The following CNIH3 variants were observed in gnomAD, a reference collection of about 807,000 sequenced individuals.
CNIH3 encodes the protein protein cornichon homolog 3.
A neutral mutation model predicts 24.1 loss-of-function variants in CNIH3; 14 were observed. That is an observed-to-expected ratio of 0.58 (90% CI 0.38 to 0.91). CNIH3 has a LOEUF of 0.91. CNIH3 is among the 40% of genes least tolerant of loss of function. The pLI, the probability that CNIH3 is intolerant of heterozygous loss-of-function variation, is 0.00. For synonymous variants in CNIH3, 68 were observed against 73.8 expected (o/e 0.92, Z 0.40); for missense variants, 178 against 196.8 (o/e 0.90, Z 0.57).
At chr1:224,649,940 A>G (rs1684789043) in intron 1 of CNIH3, among the ~76,000 whole-genome samples, 1 of 152,234 alleles carries the variant, frequency 6.6e-6, no homozygotes, top group Non-Finnish European at 1.5e-5. Context: ...AGAATCTTAG[A>G]GGTCTCTGAA....
Position 224,674,715 on chromosome 1 carries a change from G to A in CNIH3, c.82-6243G>A, listed in dbSNP as rs535714268. Among the ~76,000 whole-genome samples, 345 of 152,080 alleles carry A rather than the reference G, an allele frequency of 2.3e-3. 1 individual carries two copies. Among genetic ancestry groups the A allele is most frequent in the African/African-American group, 7.7e-3 (321 of 41,478 alleles). ...GTAGGGATAGGGTTCAGTGTTCATA[G>A]AAACAGCTTCACTTCTAGCGTGTTC... On this transcript the variant is annotated intron_variant, in intron 1 of 5. Coordinates refer to ENST00000272133, the MANE Select transcript of CNIH3 (RefSeq NM_152495.2).
At chr1:224,649,876 G>T (rs1684786554) in intron 1 of CNIH3, among the ~76,000 whole-genome samples, 1 of 152,158 alleles carries the variant, frequency 6.6e-6, no homozygotes, top group Non-Finnish European at 1.5e-5. Context: ...GAGAATGTGT[G>T]CAAGCTTAAA....
chr1:224,603,924 T>A (rs941273858), intron 3 of CNIH3, among the ~76,000 whole-genome samples: 1 of 152,246 alleles, frequency 6.6e-6, no homozygotes, highest in African/African-American at 2.4e-5. Context: ...AGTTCATTTT[T>A]AATATTTTAT....
chr1:224,654,427 A>G (rs767732492), intron 1 of CNIH3, among the ~76,000 whole-genome samples: 1 of 152,216 alleles, frequency 6.6e-6, no homozygotes, highest in Non-Finnish European at 1.5e-5. Context: ...AATAGCCCAG[A>G]TGCATGCCTC....
chr1:224,620,221 C>T (rs1307289821), intron 1 of CNIH3, among the ~76,000 whole-genome samples: 1 of 152,248 alleles, frequency 6.6e-6, no homozygotes. Context: ...CCCTCAGGCA[C>T]CTGGCCTCTT....
upstream of CNIH3, among the ~76,000 whole-genome samples, chr1:224,613,832 G>A (rs557015479): frequency 6.6e-6 from 1 of 152,200 alleles, no homozygotes; most frequent in East Asian, 1.9e-4. Flanking sequence ...CCTGCAGAAC[G>A]GTGAGCCAAT....
intron 2 of CNIH3, among the ~76,000 whole-genome samples, chr1:224,522,040 A>G (rs1678655812): frequency 6.6e-6 from 1 of 152,214 alleles, no homozygotes; most frequent in Admixed American, 6.5e-5. Context: ...CCGATAAAGC[A>G]TATTAAATTG....
At chr1:224,685,078 T>C (rs1350668600) in intron 3 of CNIH3, among the ~76,000 whole-genome samples, 4 of 152,200 alleles carry the variant, frequency 2.6e-5, no homozygotes, top group Admixed American at 6.5e-5. Flanking sequence ...GCACTGGGTA[T>C]TTGCAAGTAC....
At chr1:224,693,338 G>A (rs1433750002) in intron 3 of CNIH3, among the ~76,000 whole-genome samples, 1 of 152,262 alleles carries the variant, frequency 6.6e-6, no homozygotes, top group East Asian at 1.9e-4. Flanking sequence ...GATCTGGGTA[G>A]CTGGTTGGCC....
intron 2 of CNIH3, among the ~76,000 whole-genome samples, chr1:224,531,787 G>C (rs1679080556): frequency 6.6e-6 from 1 of 152,194 alleles, no homozygotes; most frequent in Admixed American, 6.5e-5. Context: ...GGCAGCTGGA[G>C]CTCAGGAGAG....
At chr1:224,702,008 G>C (rs376822147) in intron 3 of CNIH3, among the ~76,000 whole-genome samples, 11 of 152,210 alleles carry the variant, frequency 7.2e-5, no homozygotes, top group East Asian at 3.9e-4. Flanking sequence ...TAAAAGCTGG[G>C]TTTGTATCCT....
In CNIH3 at chr1:224,723,411, G is replaced by A. The variant is rs527974751; in HGVS notation, c.199-7051G>A. 2.6e-5 allele frequency among the ~76,000 whole-genome samples: 4 copies of A among 152,354 alleles called. No individual in the cohort carries two copies. The South Asian group carries it at 8.3e-4, about 32-fold the overall frequency. Reference sequence around the variant, plus strand: ...AATGAGTCCAAGTGGGTGCCAAGAAGCAACAGGAACATCCACAGTGTGGAT... The same window carrying A: ...AATGAGTCCAAGTGGGTGCCAAGAAACAACAGGAACATCCACAGTGTGGAT... On this transcript the variant is annotated intron_variant, in intron 3 of 5. Transcript: ENST00000272133.
At chr1:224,556,100 T>C (rs1387698022) in intron 3 of CNIH3, among the ~76,000 whole-genome samples, 1 of 152,216 alleles carries the variant, frequency 6.6e-6, no homozygotes, top group East Asian at 1.9e-4. Context: ...TTCAATTCTT[T>C]GCCTGCAGGC....
At chr1:224,661,715 A>G (rs1185461654) in intron 1 of CNIH3, 2 of 193,572 alleles carry the variant, frequency 1.0e-5, no homozygotes, top group Non-Finnish European at 2.2e-5. Context: ...CTTATTTTCT[A>G]GCATCTGACA....
chr1:224,568,616 G>A (rs1401211307), intron 4 of CNIH3, among the ~76,000 whole-genome samples: 2 of 151,724 alleles, frequency 1.3e-5, no homozygotes, highest in East Asian at 2.0e-4. Context: ...AATTAGTCAG[G>A]TGTGGTGCAC....
intron 2 of CNIH3, among the ~76,000 whole-genome samples, chr1:224,683,761 G>A (rs567270346): frequency 6.6e-6 from 1 of 152,344 alleles, no homozygotes; most frequent in South Asian, 2.1e-4. Flanking sequence ...TTGTCCTTCA[G>A]GGGCTCTGGC....
intron 1 of CNIH3, among the ~76,000 whole-genome samples, chr1:224,462,286 C>T (rs1210227178): frequency 1.3e-5 from 2 of 152,190 alleles, no homozygotes; most frequent in East Asian, 1.9e-4. Context: ...TATCCACCAT[C>T]GTAGTGTTGT....
chr1:224,627,753 G>A (rs1683609651), intron 1 of CNIH3, among the ~76,000 whole-genome samples: 1 of 152,154 alleles, frequency 6.6e-6, no homozygotes, highest in African/African-American at 2.4e-5. Context: ...GTCTGATAAT[G>A]AGGCTCAGGG....
intron 1 of CNIH3, among the ~76,000 whole-genome samples, chr1:224,673,784 T>G (rs1416568752): frequency 1.3e-5 from 2 of 151,494 alleles, no homozygotes; most frequent in Non-Finnish European, 2.9e-5. Flanking sequence ...TGGTGCCAGG[T>G]ACATCGTGGG....
Sources: gnomAD v4.1 joint callset for allele counts (sites outside exome capture counted in the v4.1 genomes callset) on GRCh38, gnomAD v4.1.1 for gene constraint, MANE v1.5 for transcripts, NCBI Gene and HGNC (gene_info 2026-07-23, HGNC 2026-07-21) for gene names.